FBLN7: variants seen among roughly 807,000 people sequenced by gnomAD.
FBLN7 encodes fibulin-7.
Under a neutral mutation model 44.0 loss-of-function variants are expected in FBLN7, and 31 were observed. The observed-to-expected ratio is 0.70, with a 90% CI of 0.53 to 0.95. The LOEUF (loss-of-function observed/expected upper bound fraction) is 0.95, where lower values mean the gene tolerates loss of function less well. Ranked by LOEUF, FBLN7 falls within the 40% of genes least tolerant of loss-of-function variation. The pLI, the probability that FBLN7 is intolerant of heterozygous loss-of-function variation, is 0.00. For synonymous variants in FBLN7, 262 were observed against 253.4 expected (o/e 1.03, Z -0.32); for missense variants, 573 against 618.5 (o/e 0.93, Z 0.78).
intron 1 of FBLN7, among the ~76,000 whole-genome samples, chr2:112,150,013 G>T (rs1023927632): frequency 3.9e-5 from 6 of 152,176 alleles, no homozygotes; most frequent in Middle Eastern, 3.2e-3. Flanking sequence ...TCACATCAAA[G>T]ACCAGAGGCA....
chr2:112,186,144 G>A (rs922970357), intron 7 of FBLN7, among the ~76,000 whole-genome samples: 1 of 152,114 alleles, frequency 6.6e-6, no homozygotes, highest in Non-Finnish European at 1.5e-5. Context: ...CTCGGTGAAG[G>A]GATAGGGAAC....
chr2:112,243,023 T>A, the FBLN7 span, among the ~76,000 whole-genome samples: 1 of 152,224 alleles, frequency 6.6e-6, no homozygotes, highest in South Asian at 2.1e-4. Context: ...CTCAAAGATA[T>A]GAGGAAACTG....
the FBLN7 span, chr2:112,216,592 A>T: frequency 6.6e-6 from 1 of 152,196 alleles, no homozygotes; most frequent in Admixed American, 6.5e-5. Flanking sequence ...GAAGAAAACA[A>T]GCAAAAATCC....
chr2:112,142,316 G>A (rs1165459193), intron 1 of FBLN7, among the ~76,000 whole-genome samples: 1 of 152,142 alleles, frequency 6.6e-6, no homozygotes, highest in Non-Finnish European at 1.5e-5. Context: ...TTTCCTGTTT[G>A]GGTCCCCTGA....
the FBLN7 span, among the ~76,000 whole-genome samples, chr2:112,210,779 A>G: frequency 6.6e-6 from 1 of 152,156 alleles, no homozygotes; most frequent in Non-Finnish European, 1.5e-5. Flanking sequence ...ACATTTATAC[A>G]TACACACAAG....
At chr2:112,192,686 A>C (rs986998003), downstream of FBLN7, among the ~76,000 whole-genome samples, 5 of 152,240 alleles carry the variant, frequency 3.3e-5, no homozygotes, top group African/African-American at 1.2e-4. Flanking sequence ...TCAAGGAGAG[A>C]GGAAGTCCCT....
intron 1 of FBLN7, among the ~76,000 whole-genome samples, chr2:112,157,746 G>A (rs2312698): frequency 0.47 from 70,881 of 151,702 alleles, 16,819 homozygotes; most frequent in Middle Eastern, 0.65. Context: ...GCCTACAGGC[G>A]AGCACCACCA....
At chr2:112,173,814 GGA>G (rs1373861332) in intron 3 of FBLN7, among the ~76,000 whole-genome samples, 1 of 152,222 alleles carries the variant, frequency 6.6e-6, no homozygotes, top group Non-Finnish European at 1.5e-5. Flanking sequence ...GTGCCGGGCT[GGA>G]CATCAGGCCA....
rs142307026 is a variant in FBLN7 at position 112,144,101 on chromosome 2, T to C, written c.75+5371T>C. Reference sequence around the variant, plus strand: ...TCTATTTATAGCATTCTGTTCTTAGTAGTGGTATTTCCATTTACAAAATAT... The same window carrying C: ...TCTATTTATAGCATTCTGTTCTTAGCAGTGGTATTTCCATTTACAAAATAT... On this transcript the variant is annotated intron_variant, in intron 1 of 7. Transcript: ENST00000331203. Among the ~76,000 whole-genome samples, 448 of 152,352 alleles carry C rather than the reference T, an allele frequency of 2.9e-3. 5 individuals are homozygous for C. The highest frequency in any genetic ancestry group is 0.01 in the African/African-American group (434 of 41,582).
rs142343012 is a variant in FBLN7 at position 112,187,757 on chromosome 2, T to G, written c.*251T>G. 9.5e-5 allele frequency: 50 copies of G among 523,682 alleles called. No homozygotes were observed. The highest frequency in any genetic ancestry group is 1.5e-4 in the Non-Finnish European group (44 of 301,966). 32.4% of individuals were successfully genotyped at this position (523,682 alleles called of 1,614,324 possible). On this transcript the variant is annotated 3_prime_UTR_variant, in exon 8 of 8. Transcript: ENST00000331203. This position sits in a 1 kb window ranked among gnomAD's most constrained non-coding sequence, Gnocchi z 5.1. ...CTTCCCTTAGATTATGCACTAACTT[T>G]CTTAAAACTTTTTCATCCAGGGGAT...
the FBLN7 span, among the ~76,000 whole-genome samples, chr2:112,222,983 ATTTTC>A: frequency 1.3e-4 from 20 of 152,008 alleles, no homozygotes; most frequent in African/African-American, 4.8e-4. Flanking sequence ...ATCTATTCCT[ATTTTC>A]TTTAGTGTTT....
intron 3 of FBLN7, among the ~76,000 whole-genome samples, chr2:112,170,341 A>T (rs1179122803): frequency 3.9e-5 from 6 of 152,054 alleles, no homozygotes; most frequent in African/African-American, 1.4e-4. Flanking sequence ...AGCCTGGCCA[A>T]CTTGGCAAAA....
chr2:112,233,210 AT>A, the FBLN7 span: 1 of 1,303,052 alleles, frequency 7.7e-7, no homozygotes, highest in Non-Finnish European at 1.0e-6. Context: ...CACATTTAAA[AT>A]GTTCATGTAA....
At chr2:112,176,393 T>C (rs985517851) in intron 4 of FBLN7, 3 of 152,426 alleles carry the variant, frequency 2.0e-5, no homozygotes, top group African/African-American at 7.2e-5. Flanking sequence ...TGATAAGGAA[T>C]CTGTGGAGGA....
At chr2:112,184,202 C>A (rs1171348645) in intron 6 of FBLN7, among the ~76,000 whole-genome samples, 1 of 152,166 alleles carries the variant, frequency 6.6e-6, no homozygotes, top group Non-Finnish European at 1.5e-5. Context: ...CTGGACTTCC[C>A]CCATGGAAAC....
At chr2:112,151,800 T>G (rs566048022) in intron 1 of FBLN7, 1 of 152,342 alleles carries the variant, frequency 6.6e-6, no homozygotes, top group East Asian at 1.9e-4. Context: ...GCCATGTGTG[T>G]GGACCCCAAG....
At chr2:112,217,922 GTGTTTTTGTTTT>G in the FBLN7 span, among the ~76,000 whole-genome samples, 36 of 152,144 alleles carry the variant, frequency 2.4e-4, no homozygotes, top group African/African-American at 7.5e-4. Flanking sequence ...CTGGTTTCTT[GTGTTTTTGTTTT>G]TGTTTTTGTT....
chr2:112,184,719 A>G (rs568389943), intron 6 of FBLN7, among the ~76,000 whole-genome samples: 26 of 148,572 alleles, frequency 1.7e-4, no homozygotes, highest in African/African-American at 5.6e-4. Context: ...TGGTATATGT[A>G]TATATATGTA....
rs147721059 is a variant in FBLN7, at chr2:112,166,153, C to T, written c.406+982C>T. On this transcript the variant is annotated intron_variant, in intron 3 of 7. Transcript: ENST00000331203. ...GCAACCTCTGCCTCCCGGGTTCCAG[C>T]GATTCTCCTGCCTCAGCCTCCTGAG... Among the ~76,000 whole-genome samples the T allele has an allele frequency of 5.1e-4, 78 of 152,326 alleles. No homozygotes were observed. In the East Asian group the frequency reaches 8.7e-3, roughly 17 times the overall value.
Sources: allele counts gnomAD v4.1 joint callset (sites outside exome capture counted in the v4.1 genomes callset), GRCh38; gene constraint gnomAD v4.1.1; non-coding constraint Gnocchi (gnomAD v3.1); transcripts MANE v1.5; gene names NCBI Gene and HGNC (gene_info 2026-07-23, HGNC 2026-07-21).